Variants in DYNC1I1 observed in about 807,000 individuals in gnomAD.
The protein encoded by DYNC1I1 is cytoplasmic dynein 1 intermediate chain 1.
A neutral mutation model predicts 86.6 loss-of-function variants in DYNC1I1; 43 were observed. The ratio of observed to expected loss-of-function variants is 0.50; its 90% confidence interval spans 0.39 to 0.64. The LOEUF (loss-of-function observed/expected upper bound fraction) is 0.64, where lower values mean the gene tolerates loss of function less well. DYNC1I1 is among the 30% of genes least tolerant of loss of function. The pLI is 0.00. For synonymous variants in DYNC1I1, 262 were observed against 283.7 expected (o/e 0.92, Z 0.77); for missense variants, 604 against 788.8 (o/e 0.77, Z 2.81).
At chr7:95,930,651 G>GCTAT (rs1393675451) in intron 6 of DYNC1I1, among the ~76,000 whole-genome samples, 1 of 152,146 alleles carries the variant, frequency 6.6e-6, no homozygotes, top group East Asian at 1.9e-4. Context: ...ATTGTTATTG[G>GCTAT]CTATCTGGAG....
At chr7:95,909,254 G>C (rs1291445300) in intron 6 of DYNC1I1, among the ~76,000 whole-genome samples, 4 of 101,598 alleles carry the variant, frequency 3.9e-5, no homozygotes, top group East Asian at 3.7e-4. Context: ...GGGGGGGGGG[G>C]GCGGGGCGGG....
intron 14 of DYNC1I1, among the ~76,000 whole-genome samples, chr7:96,064,208 A>ATCTC (rs1341363966): frequency 3.2e-4 from 39 of 122,984 alleles, no homozygotes; most frequent in African/African-American, 1.3e-3. Context: ...AGAAATATTC[A>ATCTC]TATCTCTCTC....
At chr7:95,861,022 C>A (rs932860846) in intron 5 of DYNC1I1, among the ~76,000 whole-genome samples, 1 of 152,044 alleles carries the variant, frequency 6.6e-6, no homozygotes, top group African/African-American at 2.4e-5. Flanking sequence ...ACATCTGTTC[C>A]TGGTTTTATC....
At chr7:95,831,506 T>C (rs566453513) in intron 5 of DYNC1I1, among the ~76,000 whole-genome samples, 1 of 152,256 alleles carries the variant, frequency 6.6e-6, no homozygotes, top group East Asian at 1.9e-4. Context: ...TAATTTTATT[T>C]CCTTTAGATA....
At chr7:95,915,704 C>T (rs1005856530) in intron 6 of DYNC1I1, among the ~76,000 whole-genome samples, 12 of 152,058 alleles carry the variant, frequency 7.9e-5, no homozygotes, top group Non-Finnish European at 2.9e-5. Context: ...TGCAATTCCT[C>T]GTTGTCAATG....
At chr7:96,048,825 T>C (rs1789297834) in intron 14 of DYNC1I1, among the ~76,000 whole-genome samples, 1 of 152,196 alleles carries the variant, frequency 6.6e-6, no homozygotes, top group African/African-American at 2.4e-5. Context: ...GTGAATGTAT[T>C]TGAAACCCCA....
intron 1 of DYNC1I1, among the ~76,000 whole-genome samples, chr7:95,789,078 AT>A (rs1794222567): frequency 6.6e-6 from 1 of 152,204 alleles, no homozygotes; most frequent in African/African-American, 2.4e-5. Context: ...AAAGTCTTGA[AT>A]TTAAAAAAAT....
chr7:95,774,349 G>C (rs1793786855), intron 1 of DYNC1I1, among the ~76,000 whole-genome samples: 1 of 152,124 alleles, frequency 6.6e-6, no homozygotes, highest in Admixed American at 6.5e-5. Context: ...TTGGACCTCT[G>C]AGATGCTGCA....
intron 6 of DYNC1I1, among the ~76,000 whole-genome samples, chr7:95,904,657 A>T (rs988672350): frequency 3.9e-5 from 6 of 152,168 alleles, no homozygotes; most frequent in Admixed American, 6.5e-5. Context: ...ATACACATGC[A>T]CACATACACA....
intron 5 of DYNC1I1, among the ~76,000 whole-genome samples, chr7:95,860,779 C>A (rs1789856213): frequency 6.6e-6 from 1 of 152,118 alleles, no homozygotes; most frequent in Admixed American, 6.5e-5. Flanking sequence ...GCAAAAGGGG[C>A]AAATGCTGTA....
At position 96,035,823 on chromosome 7, in the gene DYNC1I1, T is replaced by C. The variant is rs879108327; in HGVS notation, c.1364+71T>C. 2.5e-6 allele frequency: 4 copies of C among 1,586,230 alleles called. No individual in the cohort carries two copies. In the Admixed American group the frequency reaches 5.7e-5, roughly 23 times the overall value. On this transcript the variant is annotated intron_variant, in intron 13 of 16. Transcript: ENST00000447467. ...AAGTCTGTTATCACATTCTGGATTT[T>C]AACCACCTTGCATTATGAGAAAGCA...
At chr7:96,065,661 T>G (rs571193675) in intron 14 of DYNC1I1, among the ~76,000 whole-genome samples, 16 of 152,136 alleles carry the variant, frequency 1.1e-4, no homozygotes, top group Non-Finnish European at 1.0e-4. Flanking sequence ...GCGCTGAGAT[T>G]ACAGGCGTGA....
chr7:95,879,208 T>G (rs2116215311), intron 6 of DYNC1I1, among the ~76,000 whole-genome samples: 1 of 152,320 alleles, frequency 6.6e-6, no homozygotes, highest in South Asian at 2.1e-4. Context: ...ACATAAATAT[T>G]TCTTTTTTCT....
intron 10 of DYNC1I1, among the ~76,000 whole-genome samples, chr7:96,021,175 A>G (rs139936884): frequency 1.3e-5 from 2 of 152,336 alleles, no homozygotes; most frequent in East Asian, 1.9e-4. Context: ...AACAAATTTT[A>G]TGAGTATTTC....
At chr7:95,904,321 C>A (rs965402471) in intron 6 of DYNC1I1, among the ~76,000 whole-genome samples, 1 of 152,074 alleles carries the variant, frequency 6.6e-6, no homozygotes, top group African/African-American at 2.4e-5. Context: ...AGCTGACTCC[C>A]AGAGCAACTG....
chr7:96,046,974 A>G (rs1789235073), intron 14 of DYNC1I1, among the ~76,000 whole-genome samples: 2 of 152,178 alleles, frequency 1.3e-5, no homozygotes, highest in Admixed American at 6.5e-5. Context: ...ATAACAAAAC[A>G]ACTTAGAGTG....
At chr7:95,795,455 T>C (rs990186641) in intron 1 of DYNC1I1, among the ~76,000 whole-genome samples, 2 of 152,224 alleles carry the variant, frequency 1.3e-5, no homozygotes, top group African/African-American at 4.8e-5. Flanking sequence ...CTATTAATGC[T>C]ATTCACAATA....
chr7:95,863,056 G>A (rs543008498), intron 5 of DYNC1I1, among the ~76,000 whole-genome samples: 26 of 152,172 alleles, frequency 1.7e-4, no homozygotes, highest in Non-Finnish European at 3.7e-4. Context: ...GATTCAGAGG[G>A]CCAACTGTAT....
chr7:95,803,015 C>G (rs969563720), intron 1 of DYNC1I1, among the ~76,000 whole-genome samples: 2 of 152,222 alleles, frequency 1.3e-5, no homozygotes, highest in Admixed American at 6.5e-5. Flanking sequence ...TAGCATTTTG[C>G]TCTGCATTCC....
Sources: allele counts gnomAD v4.1 joint callset (sites outside exome capture counted in the v4.1 genomes callset), GRCh38; gene constraint gnomAD v4.1.1; transcripts MANE v1.5; gene names NCBI Gene and HGNC (gene_info 2026-07-23, HGNC 2026-07-21).